The following RANBP2 variants were observed in gnomAD, a reference collection of about 807,000 sequenced individuals.
RANBP2 encodes E3 SUMO-protein ligase RanBP2.
RANBP2 carries 57 observed loss-of-function variants against 303.6 expected under a neutral mutation model. The observed-to-expected ratio is 0.19, with a 90% confidence interval of 0.15 to 0.23. RANBP2 has a LOEUF of 0.23. Among genes scored for constraint, RANBP2 ranks in the 10% least tolerant of loss-of-function variants. The pLI is 1.00. For missense variants in RANBP2, 3,138 were observed against 3,780.8 expected, an observed-to-expected ratio of 0.83 and a Z score of 4.46; for synonymous variants, 1,167 against 1,301.5, an observed-to-expected ratio of 0.90 and a Z score of 2.23.
At chr2:109,194,632 C>G in the RANBP2 span, among the ~76,000 whole-genome samples, 1 of 152,222 alleles carries the variant, frequency 6.6e-6, no homozygotes, top group Admixed American at 6.5e-5. Flanking sequence ...TTTGTATCTT[C>G]TGCATATACA....
At chr2:109,657,911 G>C in the RANBP2 span, among the ~76,000 whole-genome samples, 1 of 151,372 alleles carries the variant, frequency 6.6e-6, no homozygotes, top group African/African-American at 2.4e-5. Context: ...GTGGAGAAGG[G>C]GTTTAACGCT....
intron 18 of RANBP2, among the ~76,000 whole-genome samples, chr2:108,761,029 C>G (rs1258087117): frequency 9.9e-5 from 15 of 150,902 alleles, no homozygotes; most frequent in Non-Finnish European, 1.9e-4. Context: ...AGTTAGATTA[C>G]TTTTAGTAGA....
chr2:109,290,818 A>G, the RANBP2 span, among the ~76,000 whole-genome samples: 1 of 152,228 alleles, frequency 6.6e-6, no homozygotes, highest in Admixed American at 6.5e-5. Context: ...GCTTCTAACA[A>G]CTGCCTGAAA....
At chr2:109,515,504 C>T in the RANBP2 span, among the ~76,000 whole-genome samples, 1 of 152,116 alleles carries the variant, frequency 6.6e-6, no homozygotes, top group Admixed American at 6.5e-5. Context: ...CCTTCCTTCC[C>T]TTCCTAGGCC....
the RANBP2 span, among the ~76,000 whole-genome samples, chr2:109,583,780 T>C: frequency 6.6e-6 from 1 of 152,166 alleles, no homozygotes; most frequent in South Asian, 2.1e-4. Context: ...GTGTGGTACA[T>C]ACCTACCATG....
the RANBP2 span, chr2:109,371,748 C>G: frequency 1.4e-6 from 2 of 1,385,154 alleles, no homozygotes; most frequent in Non-Finnish European, 2.0e-6. Context: ...ACAGTGGGGT[C>G]ACCTGACCTT....
chr2:108,894,529 AGACAAAAATAATATT>A, the RANBP2 span: 1 of 152,630 alleles, frequency 6.6e-6, no homozygotes, highest in African/African-American at 2.4e-5. Context: ...ATACAGAATT[AGACAAAAATAATATT>A]GACAATTAAG....
At chr2:109,176,784 G>A in the RANBP2 span, among the ~76,000 whole-genome samples, 17 of 152,170 alleles carry the variant, frequency 1.1e-4, no homozygotes, top group African/African-American at 3.6e-4. Context: ...AGGCTGTTCC[G>A]CTGGCAGAAG....
At chr2:109,639,168 T>A in the RANBP2 span, among the ~76,000 whole-genome samples, 1 of 152,192 alleles carries the variant, frequency 6.6e-6, no homozygotes, top group South Asian at 2.1e-4. Context: ...AATTGAGAAA[T>A]TGATAGTAAT....
At chr2:109,268,743 A>T in the RANBP2 span, among the ~76,000 whole-genome samples, 355 of 15,136 alleles carry the variant, frequency 0.023, 1 homozygote, top group African/African-American at 0.083. Context: ...ACTTTATTAT[A>T]AAAAAAAAAA....
the RANBP2 span, chr2:108,815,826 A>G: frequency 4.6e-6 from 4 of 868,146 alleles, no homozygotes; most frequent in Non-Finnish European, 7.0e-6. Flanking sequence ...TCCTTAACAC[A>G]TTTTAGTGAA....
chr2:109,358,777 A>G, the RANBP2 span, among the ~76,000 whole-genome samples: 1 of 152,220 alleles, frequency 6.6e-6, no homozygotes, highest in Non-Finnish European at 1.5e-5. Context: ...AGTACAAATT[A>G]CTAATTTTAA....
At chr2:109,145,573 G>C in the RANBP2 span, among the ~76,000 whole-genome samples, 2 of 152,212 alleles carry the variant, frequency 1.3e-5, no homozygotes, top group African/African-American at 4.8e-5. Context: ...TGTCCGGGGG[G>C]CCTCACTGTT....
At chr2:109,100,863 C>T in the RANBP2 span, among the ~76,000 whole-genome samples, 1 of 152,146 alleles carries the variant, frequency 6.6e-6, no homozygotes, top group African/African-American at 2.4e-5. Flanking sequence ...AGCTCACAAG[C>T]CCAGAGCTTA....
the RANBP2 span, among the ~76,000 whole-genome samples, chr2:109,491,997 T>C: frequency 6.6e-6 from 1 of 152,102 alleles, no homozygotes; most frequent in Non-Finnish European, 1.5e-5. Flanking sequence ...TTCTTCTGTA[T>C]AGTTTTCTAG....
chr2:109,171,474 C>G, the RANBP2 span, among the ~76,000 whole-genome samples: 1 of 152,246 alleles, frequency 6.6e-6, no homozygotes, highest in Admixed American at 6.5e-5. Context: ...CACGCTTGCC[C>G]CCCTACCCCG....
chr2:109,067,574 C>T, the RANBP2 span, among the ~76,000 whole-genome samples: 1 of 152,314 alleles, frequency 6.6e-6, no homozygotes, highest in East Asian at 1.9e-4. Flanking sequence ...GGGGATGTGA[C>T]TGTGTCTGTC....
the RANBP2 span, among the ~76,000 whole-genome samples, chr2:109,229,108 A>G: frequency 1.3e-5 from 2 of 152,092 alleles, no homozygotes; most frequent in African/African-American, 4.8e-5. Context: ...TATCAGAACA[A>G]AAGATACTCC....
chr2:109,305,550 C>T, the RANBP2 span, among the ~76,000 whole-genome samples: 1 of 152,158 alleles, frequency 6.6e-6, no homozygotes, highest in South Asian at 2.1e-4. Context: ...GGAAATTATG[C>T]ACCAGGAAGC....
Sources: gnomAD v4.1 joint callset for allele counts (sites outside exome capture counted in the v4.1 genomes callset) on GRCh38, gnomAD v4.1.1 for gene constraint, MANE v1.5 for transcripts, NCBI Gene and HGNC (gene_info 2026-07-23, HGNC 2026-07-21) for gene names.